MRPL13: variants seen among roughly 807,000 people sequenced by gnomAD.
MRPL13 encodes the protein large ribosomal subunit protein uL13m.
Under a neutral mutation model 29.0 loss-of-function variants are expected in MRPL13, and 33 were observed. The ratio of observed to expected loss-of-function variants is 1.14; its 90% confidence interval spans 0.86 to 1.52. The LOEUF (loss-of-function observed/expected upper bound fraction) is 1.52. Ranked by LOEUF, MRPL13 falls within the 40% of genes most tolerant of loss-of-function variation. The probability of loss-of-function intolerance (pLI) is 0.00; values close to 1 mark genes in which losing one functional copy is unlikely to be tolerated. For missense variants in MRPL13, 227 were observed against 216.7 expected (o/e 1.05, Z -0.30); for synonymous variants, 77 against 68.4 (o/e 1.13, Z -0.62).
In MRPL13 at chr8:120,445,100, TCTA is replaced by T; in HGVS notation, c.-9_-7del. 1 of 1,613,842 alleles carries T rather than the reference TCTA, an allele frequency of 6.2e-7. No individual in the cohort carries two copies. The highest frequency in any genetic ancestry group is 8.5e-7 in the Non-Finnish European group (1 of 1,179,902). ...GCCCTAGAGAAACTCGACATATTCCTCTACTAGCAGGACCGTACGTCCTTCTCC... is the reference window on the plus strand; with the variant it reads ...GCCCTAGAGAAACTCGACATATTCCTCTAGCAGGACCGTACGTCCTTCTCC... On this transcript the variant is annotated 5_prime_UTR_variant, in exon 1 of 7. Transcript: ENST00000306185.
chr8:120,429,176 A>G (rs1238578815), intron 3 of MRPL13, among the ~76,000 whole-genome samples: 1 of 152,170 alleles, frequency 6.6e-6, no homozygotes. Flanking sequence ...TAAAAAAAAG[A>G]ACAAGATCAT....
rs948576399 is a variant in MRPL13 at position 120,432,582 on chromosome 8, T to C, written c.152-459A>G. 7.9e-5 allele frequency among the ~76,000 whole-genome samples: 12 copies of C among 152,232 alleles called. No individual in the cohort carries two copies. The South Asian group carries it at 1.4e-3, about 18-fold the overall frequency. On this transcript the variant is annotated intron_variant, in intron 2 of 6. Transcript: ENST00000306185. ...TACCTACAGGTAAATTGAAAACATA[T>C]GTAAAACATTACAATTATTATTTTT...
chr8:120,440,477 T>C (rs1461192270), intron 2 of MRPL13, among the ~76,000 whole-genome samples: 1 of 151,982 alleles, frequency 6.6e-6, no homozygotes, highest in African/African-American at 2.4e-5. Flanking sequence ...TGGTGGCATA[T>C]GCCTGTAATC....
Position 120,395,698 on chromosome 8 carries a change from T to A in MRPL13, c.*406A>T, listed in dbSNP as rs1812514614. ...AGTTAGATAAAAAAAGCCACTGAAATGAAAAGTGAAGGTAGAGCTTGTTCA... is the reference window on the plus strand; with the variant it reads ...AGTTAGATAAAAAAAGCCACTGAAAAGAAAAGTGAAGGTAGAGCTTGTTCA... On this transcript the variant is annotated 3_prime_UTR_variant, in exon 7 of 7. Transcript: ENST00000306185. 2 of 156,956 alleles carry A rather than the reference T, an allele frequency of 1.3e-5. No individual in the cohort carries two copies. Among genetic ancestry groups the A allele is most frequent in the South Asian group, 4.0e-4 (2 of 4,978 alleles). The allele number at this position is 156,956 out of a possible 1,614,324, so 9.7% of individuals were successfully genotyped here.
chr8:120,400,910 G>C (rs1191762355), intron 6 of MRPL13, among the ~76,000 whole-genome samples: 2 of 151,826 alleles, frequency 1.3e-5, no homozygotes, highest in Admixed American at 6.6e-5. Flanking sequence ...TGGAAGAAAT[G>C]GATAAATTCC....
Position 120,443,220 on chromosome 8 carries a change from A to G in MRPL13, c.116T>C (p.Leu39Pro), listed in dbSNP as rs1165669863. Residue 39 changes from leucine to proline, a missense_variant, in exon 2 of 7, where the codon CTT becomes CCT. By Grantham distance (98) the Leu-to-Pro change is moderately conservative. Coordinates refer to ENST00000306185, the MANE Select transcript of MRPL13 (RefSeq NM_014078.6). ...GTACACAGGTTTATGTAATCCCTGA[A>G]GTCTTATAGATGCCATAGCAGCAAG... Reference protein sequence around the residue: ...GKLAAMASIRLQGLHKPVYHA... With the variant: ...GKLAAMASIRPQGLHKPVYHA... 6.2e-7 allele frequency: 1 copy of G among 1,609,248 alleles called. No homozygotes were observed. The highest frequency in any genetic ancestry group is 8.5e-7 in the Non-Finnish European group (1 of 1,177,452).
At chr8:120,423,662 G>C (rs1029203565) in intron 4 of MRPL13, among the ~76,000 whole-genome samples, 3 of 152,062 alleles carry the variant, frequency 2.0e-5, no homozygotes, top group Non-Finnish European at 1.5e-5. Flanking sequence ...AAGAATGAAA[G>C]CACAAAATAA....
chr8:120,428,126 TAA>T (rs144856034), intron 3 of MRPL13, among the ~76,000 whole-genome samples: 59,858 of 110,284 alleles, frequency 0.54, 14,683 homozygotes, highest in Non-Finnish European at 0.64. Flanking sequence ...ATGGTACTGA[TAA>T]AAAAAAAAAA....
At chr8:120,443,571 G>A (rs1048073439) in intron 1 of MRPL13, among the ~76,000 whole-genome samples, 1 of 148,272 alleles carries the variant, frequency 6.7e-6, no homozygotes, top group Non-Finnish European at 1.5e-5. Context: ...TATGACTTAC[G>A]TTTTGTTATA....
intron 5 of MRPL13, among the ~76,000 whole-genome samples, chr8:120,419,011 C>G (rs1365959479): frequency 1.3e-5 from 2 of 151,966 alleles, no homozygotes; most frequent in African/African-American, 4.8e-5. Context: ...TAAATTTCTA[C>G]AGTATTCCTT....
chr8:120,412,870 A>T (rs764473035), intron 6 of MRPL13, among the ~76,000 whole-genome samples: 18 of 152,218 alleles, frequency 1.2e-4, no homozygotes, highest in Non-Finnish European at 2.4e-4. Flanking sequence ...TACCATTTAT[A>T]ACTATGTGAT....
intron 1 of MRPL13, chr8:120,444,854 A>C: frequency 2.4e-6 from 1 of 418,958 alleles, no homozygotes. Context: ...AAAGACATGA[A>C]AAGGGCAGAT....
At chr8:120,431,729 C>T (rs1007665855) in intron 3 of MRPL13, among the ~76,000 whole-genome samples, 1 of 152,016 alleles carries the variant, frequency 6.6e-6, no homozygotes, top group Non-Finnish European at 1.5e-5. Flanking sequence ...CTGAAAACAG[C>T]AGTAAGATGA....
At chr8:120,417,630 C>T (rs558965880) in intron 5 of MRPL13, among the ~76,000 whole-genome samples, 2 of 152,154 alleles carry the variant, frequency 1.3e-5, no homozygotes, top group South Asian at 2.1e-4. Context: ...GAGGCTCACA[C>T]AGTCCTGTAT....
At chr8:120,432,605 T>C (rs1183131259) in intron 2 of MRPL13, among the ~76,000 whole-genome samples, 3 of 152,090 alleles carry the variant, frequency 2.0e-5, no homozygotes, top group African/African-American at 7.2e-5. Flanking sequence ...AATTATTATT[T>C]TTTGCAAATT....
intron 2 of MRPL13, among the ~76,000 whole-genome samples, chr8:120,442,201 C>A (rs942489559): frequency 6.6e-6 from 1 of 152,058 alleles, no homozygotes; most frequent in Non-Finnish European, 1.5e-5. Flanking sequence ...CTAAAAAGAA[C>A]GAACATATCA....
chr8:120,426,359 G>T (rs972167479), intron 3 of MRPL13, among the ~76,000 whole-genome samples: 3 of 151,988 alleles, frequency 2.0e-5, no homozygotes, highest in Admixed American at 6.6e-5. Context: ...CACATTTTAG[G>T]AATAAAACTT....
intron 4 of MRPL13, among the ~76,000 whole-genome samples, chr8:120,423,629 C>T (rs945023745): frequency 6.6e-6 from 1 of 151,904 alleles, no homozygotes; most frequent in South Asian, 2.1e-4. Flanking sequence ...CTTAGAATTC[C>T]ACATATAGCA....
At chr8:120,419,042 A>G (rs896471808) in intron 5 of MRPL13, among the ~76,000 whole-genome samples, 6 of 152,054 alleles carry the variant, frequency 3.9e-5, no homozygotes, top group African/African-American at 1.4e-4. Context: ...AAGAAGGACA[A>G]TTATAACCAT....
Sources: allele counts gnomAD v4.1 joint callset (sites outside exome capture counted in the v4.1 genomes callset), GRCh38; gene constraint gnomAD v4.1.1; transcripts MANE v1.5; gene names NCBI Gene and HGNC (gene_info 2026-07-23, HGNC 2026-07-21).